The following RGS7 variants were observed in gnomAD, a reference collection of about 807,000 sequenced individuals.
RGS7 encodes regulator of G-protein signaling 7.
RGS7 carries 27 observed loss-of-function variants against 81.1 expected under a neutral mutation model. That is an observed-to-expected ratio of 0.33 (90% CI 0.25 to 0.46). The LOEUF (loss-of-function observed/expected upper bound fraction) is 0.46. RGS7 is among the 20% of genes least tolerant of loss of function. The probability of loss-of-function intolerance (pLI) is 1.00; values close to 1 mark genes in which losing one functional copy is unlikely to be tolerated. For synonymous variants in RGS7, 208 were observed against 207.7 expected, an observed-to-expected ratio of 1.00 and a Z score of -0.01; for missense variants, 396 against 607.4, an observed-to-expected ratio of 0.65 and a Z score of 3.66.
rs118082241 is a variant in RGS7 at position 241,144,768 on chromosome 1, G to A, written c.79-46006C>T. On this transcript the variant is annotated intron_variant, in intron 2 of 18. Transcript: ENST00000440928. The surrounding 1 kb of genome is among the most constrained non-coding windows in gnomAD (Gnocchi z 4.7). ...CAGCCAGCTAGCCAACCCCACAGCC[G>A]CCTGTTGGGCAAAGGAACCCTGGAA... Among the ~76,000 whole-genome samples, 352 of 152,308 alleles carry A rather than the reference G, an allele frequency of 2.3e-3. 12 individuals are homozygous for A. In the East Asian group the frequency reaches 0.059, roughly 26 times the overall value.
At chr1:241,073,546 G>A (rs1047162718) in intron 3 of RGS7, among the ~76,000 whole-genome samples, 1 of 152,190 alleles carries the variant, frequency 6.6e-6, no homozygotes, top group African/African-American at 2.4e-5. Context: ...CTTGACACTG[G>A]ATGCCAGGGC....
At chr1:240,927,320 C>T (rs1674625862) in intron 6 of RGS7, among the ~76,000 whole-genome samples, 1 of 152,208 alleles carries the variant, frequency 6.6e-6, no homozygotes, top group Admixed American at 6.5e-5. Flanking sequence ...CCACCTCAGC[C>T]TACCAATGTG....
chr1:241,261,598 C>T (rs1425880989), intron 2 of RGS7, among the ~76,000 whole-genome samples: 1 of 145,476 alleles, frequency 6.9e-6, no homozygotes, highest in African/African-American at 2.6e-5. Flanking sequence ...CATTGCACTC[C>T]AGCCTGGGCG....
chr1:241,070,641 C>T (rs1036813220), intron 3 of RGS7, among the ~76,000 whole-genome samples: 5 of 152,118 alleles, frequency 3.3e-5, no homozygotes, highest in African/African-American at 1.2e-4. Flanking sequence ...CACTGCAGGC[C>T]CAGCTGCCCT....
At chr1:240,976,406 C>T (rs1684068519) in intron 4 of RGS7, among the ~76,000 whole-genome samples, 1 of 152,202 alleles carries the variant, frequency 6.6e-6, no homozygotes, top group Admixed American at 6.5e-5. Context: ...CTTTATACGT[C>T]AACCTGGCTA....
intron 2 of RGS7, among the ~76,000 whole-genome samples, chr1:241,255,358 A>G (rs1240101832): frequency 1.3e-5 from 2 of 152,060 alleles, no homozygotes; most frequent in Non-Finnish European, 2.9e-5. Flanking sequence ...AATCCTTCCA[A>G]CTCATCATTG....
chr1:241,117,175 CAG>C (rs1229538429), intron 2 of RGS7, among the ~76,000 whole-genome samples: 1 of 152,172 alleles, frequency 6.6e-6, no homozygotes, highest in Non-Finnish European at 1.5e-5. Context: ...AGTCCACTCT[CAG>C]GGGAAATTTG....
At chr1:240,942,213 G>A (rs6657406) in intron 4 of RGS7, among the ~76,000 whole-genome samples, 17,186 of 152,124 alleles carry the variant, frequency 0.11, 2,102 homozygotes, top group African/African-American at 0.31. Context: ...TGACCACAAC[G>A]ATTTCAAAAA....
intron 3 of RGS7, among the ~76,000 whole-genome samples, chr1:241,002,352 C>A (rs2148633323): frequency 6.6e-6 from 1 of 151,692 alleles, no homozygotes; most frequent in East Asian, 1.9e-4. Context: ...ACTTGGGAGG[C>A]TGAGGCATGG....
At chr1:241,005,036 G>A (rs546469102) in intron 3 of RGS7, among the ~76,000 whole-genome samples, 3 of 152,208 alleles carry the variant, frequency 2.0e-5, no homozygotes, top group Admixed American at 1.3e-4. Context: ...AAGAACAGCC[G>A]CCTACAGGCT....
At position 240,856,121 on chromosome 1, in the gene RGS7, C is replaced by G. The variant is rs541190835; in HGVS notation, c.609+12466G>C. Among the ~76,000 whole-genome samples the G allele has an allele frequency of 1.4e-4, 21 of 152,184 alleles. No individual in the cohort carries two copies. The South Asian group carries it at 3.5e-3, about 26-fold the overall frequency. ...TGCTCCAAGTATTTTCAGATTATCT[C>G]TATGCCTTTCAATTATATTTTTAAA... On this transcript the variant is annotated intron_variant, in intron 9 of 18. Coordinates refer to ENST00000440928, the MANE Select transcript of RGS7 (RefSeq NM_001364886.1).
intron 2 of RGS7, among the ~76,000 whole-genome samples, chr1:241,242,026 T>C (rs1446138444): frequency 6.6e-6 from 1 of 151,996 alleles, no homozygotes; most frequent in Non-Finnish European, 1.5e-5. Context: ...TTAGTGGTGA[T>C]TCATGACATT....
intron 2 of RGS7, among the ~76,000 whole-genome samples, chr1:241,256,269 T>G (rs2077048705): frequency 6.6e-6 from 1 of 152,228 alleles, no homozygotes. Flanking sequence ...TCTGGGTGGT[T>G]GTAAAAATTT....
rs547717423 is a variant in RGS7, at chr1:240,939,446, C to CT, written c.227-2741dup. 1.3e-3 allele frequency among the ~76,000 whole-genome samples: 194 copies of CT among 151,364 alleles called. 1 individual carries two copies. The highest frequency in any genetic ancestry group is 1.6e-3 in the African/African-American group (66 of 41,288). Reference sequence around the variant, plus strand: ...ACGTTCATCAACATCATCTTATTCTCTTTTTTTTTGACTGTCTGTAAAATT... The same window carrying CT: ...ACGTTCATCAACATCATCTTATTCTCTTTTTTTTTTGACTGTCTGTAAAATT... On this transcript the variant is annotated intron_variant, in intron 4 of 18. Transcript: ENST00000440928.
At chr1:240,985,851 G>A (rs1685578414) in intron 3 of RGS7, among the ~76,000 whole-genome samples, 1 of 151,894 alleles carries the variant, frequency 6.6e-6, no homozygotes, top group Non-Finnish European at 1.5e-5. Context: ...CTCCTATAGA[G>A]TCATCTTGAG....
intron 2 of RGS7, among the ~76,000 whole-genome samples, chr1:241,169,966 A>C (rs1183266586): frequency 6.6e-6 from 1 of 151,926 alleles, no homozygotes; most frequent in African/African-American, 2.4e-5. Flanking sequence ...ATATACTCAG[A>C]TCTCGGTGGG....
intron 3 of RGS7, among the ~76,000 whole-genome samples, chr1:241,072,385 G>A (rs566173894): frequency 3.2e-4 from 49 of 152,230 alleles, no homozygotes; most frequent in African/African-American, 1.1e-3. Flanking sequence ...CACGGCTGTC[G>A]CAGGCCATTT....
chr1:240,845,663 A>G (rs955852550), intron 9 of RGS7, among the ~76,000 whole-genome samples: 1 of 152,184 alleles, frequency 6.6e-6, no homozygotes, highest in Non-Finnish European at 1.5e-5. Context: ...CATTGTAAAG[A>G]ATAAGTGGTA....
chr1:241,035,405 A>G (rs938396237), intron 3 of RGS7, among the ~76,000 whole-genome samples: 1 of 152,184 alleles, frequency 6.6e-6, no homozygotes, highest in Non-Finnish European at 1.5e-5. Context: ...GGAAACATCT[A>G]TAGGAATTCG....
Sources: gnomAD v4.1 joint callset for allele counts (sites outside exome capture counted in the v4.1 genomes callset) on GRCh38, gnomAD v4.1.1 for gene constraint, Gnocchi (gnomAD v3.1) non-coding constraint, MANE v1.5 for transcripts, NCBI Gene and HGNC (gene_info 2026-07-23, HGNC 2026-07-21) for gene names.